Variants in TPPP observed in about 807,000 individuals in gnomAD.
TPPP encodes tubulin polymerization-promoting protein.
TPPP carries 6 observed loss-of-function variants against 15.5 expected under a neutral mutation model. That is an observed-to-expected ratio of 0.39 (90% CI 0.21 to 0.77). TPPP has a LOEUF of 0.77. Ranked by LOEUF, TPPP falls within the 30% of genes least tolerant of loss-of-function variation. The probability of loss-of-function intolerance (pLI) is 0.42; values close to 1 mark genes in which losing one functional copy is unlikely to be tolerated. For synonymous variants in TPPP, 146 were observed against 133.9 expected (o/e 1.09, Z -0.63); for missense variants, 269 against 307.2 (o/e 0.88, Z 0.93).
At position 663,621 on chromosome 5, in the gene TPPP, G is replaced by C. The variant is rs1161406717; in HGVS notation, c.*1481C>G. ...CTGTGGCCGCAGCAGGTGCACTCTT[G>C]GGAGTCGGGGAGGCGGGTGGTGCTC... On this transcript the variant is annotated 3_prime_UTR_variant, in exon 4 of 4. Coordinates refer to ENST00000360578, the MANE Select transcript of TPPP (RefSeq NM_007030.3). 1 of 142,474 alleles carries C rather than the reference G, an allele frequency of 7.0e-6. No individual in the cohort carries two copies. Among genetic ancestry groups the C allele is most frequent in the Non-Finnish European group, 1.5e-5 (1 of 67,158 alleles). The allele number at this position is 142,474 out of a possible 1,614,324, so 8.8% of individuals were successfully genotyped here.
intron 1 of TPPP, among the ~76,000 whole-genome samples, chr5:693,010 C>T (rs1374444947): frequency 2.6e-5 from 4 of 151,110 alleles, no homozygotes; most frequent in African/African-American, 9.7e-5. Flanking sequence ...CGGTGACAGA[C>T]CTGTCCCTGG....
In TPPP at chr5:677,935, T is replaced by C; in HGVS notation, c.126A>G (p.Ala42=). 1 of 1,612,356 alleles carries C rather than the reference T, an allele frequency of 6.2e-7. No homozygotes were observed. The highest frequency in any genetic ancestry group is 8.5e-7 in the Non-Finnish European group (1 of 1,179,740). ...GGGCACTGAGCTCAGGGGATGCGGC[T>C]GCCCCCTCACCAGCACCCTCCGATT... ...SLESEGAGEG[A]AASPELSALE... is the part of the protein sequence containing the mutation. The change falls in exon 2 of 4, where the codon GCA becomes GCG. Residue 42 remains alanine, a synonymous_variant. Transcript: ENST00000360578.
At chr5:692,651 C>T (rs978041148) in intron 1 of TPPP, 9 of 983,258 alleles carry the variant, frequency 9.2e-6, no homozygotes, top group Non-Finnish European at 1.1e-5. Flanking sequence ...GGAAGGTGTC[C>T]CGGCAGCGCC....
the TPPP span, among the ~76,000 whole-genome samples, chr5:700,673 T>C: frequency 6.7e-6 from 1 of 149,362 alleles, no homozygotes; most frequent in African/African-American, 2.6e-5. Flanking sequence ...TTTACCTAGG[T>C]GTGGATTTCT....
intron 1 of TPPP, among the ~76,000 whole-genome samples, chr5:682,780 C>G (rs549243713): frequency 6.6e-6 from 1 of 152,006 alleles, no homozygotes; most frequent in Non-Finnish European, 1.5e-5. Flanking sequence ...AGAGCCTACA[C>G]GACTGCTCTC....
chr5:668,468 G>C (rs1740043663), intron 2 of TPPP, among the ~76,000 whole-genome samples: 1 of 152,024 alleles, frequency 6.6e-6, no homozygotes, highest in African/African-American at 2.4e-5. Flanking sequence ...ACGGAGAGGG[G>C]GCCGCGTGGG....
intron 2 of TPPP, among the ~76,000 whole-genome samples, chr5:669,203 C>T (rs1247762994): frequency 6.6e-6 from 1 of 152,194 alleles, no homozygotes; most frequent in African/African-American, 2.4e-5. Flanking sequence ...CTGAGGGCAG[C>T]CACGCAGGGC....
Position 661,824 on chromosome 5 carries a change from G to A in TPPP, c.*3278C>T, listed in dbSNP as rs1224331284. 6.6e-6 allele frequency: 1 copy of A among 152,384 alleles called. No individual in the cohort carries two copies. The highest frequency in any genetic ancestry group is 1.5e-5 in the Non-Finnish European group (1 of 68,048). 9.4% of individuals were successfully genotyped at this position (152,384 alleles called of 1,614,324 possible). On this transcript the variant is annotated 3_prime_UTR_variant, in exon 4 of 4. Coordinates refer to ENST00000360578, the MANE Select transcript of TPPP (RefSeq NM_007030.3). ...TGACAGAGATGGGAGCCGAGTGGGT[G>A]TTTTCAAAGATTCGCTTTGGAGCTG...
In TPPP at chr5:664,950, C is replaced by T; in HGVS notation, c.*152G>A. 1 of 825,814 alleles carries T rather than the reference C, an allele frequency of 1.2e-6. No homozygotes were observed. The highest frequency in any genetic ancestry group is 1.9e-6 in the Non-Finnish European group (1 of 536,074). The allele number at this position is 825,814 out of a possible 1,614,324, so 51.2% of individuals were successfully genotyped here. A position where few individuals can be genotyped will look rare whatever the true frequency, so the allele number is the denominator to read the frequency against. On this transcript the variant is annotated 3_prime_UTR_variant, in exon 4 of 4. Transcript: ENST00000360578. ...TGGGGGCATCCGGTAGGAGGAGGGG[C>T]AGGAGGGAGGCCTGGGCCTGGCCGC...
At chr5:665,357 G>C in intron 3 of TPPP, 61 bp from the exon 4 acceptor site, 1 of 1,511,138 alleles carries the variant, frequency 6.6e-7, no homozygotes, top group East Asian at 2.4e-5. Flanking sequence ...GCCAGCAAGT[G>C]AAATGGCTGT....
intron 2 of TPPP, among the ~76,000 whole-genome samples, chr5:674,500 C>T (rs921313442): frequency 2.6e-5 from 4 of 152,006 alleles, no homozygotes; most frequent in Admixed American, 1.3e-4. Context: ...TCCGAGTGCC[C>T]GGGACACGTC....
At chr5:676,350 A>G (rs1232653958) in intron 2 of TPPP, 14 of 151,914 alleles carry the variant, frequency 9.2e-5, no homozygotes, top group Admixed American at 9.2e-4. Context: ...GCAGAGACGG[A>G]ACAGCTGCAA....
upstream of TPPP, among the ~76,000 whole-genome samples, chr5:698,009 G>C (rs866150231): frequency 4.8e-5 from 7 of 144,592 alleles, no homozygotes; most frequent in Admixed American, 7.1e-5. Context: ...ATTTATCCCA[G>C]GGACGCAAAT....
At chr5:693,393 C>A (rs900312296), upstream of TPPP, 1 of 145,272 alleles carries the variant, frequency 6.9e-6, no homozygotes, top group African/African-American at 2.5e-5. Flanking sequence ...CCCAGCACCG[C>A]CCAGCCCCGC....
At chr5:696,930 ATGTG>A (rs144059115), upstream of TPPP, among the ~76,000 whole-genome samples, 4 of 148,956 alleles carry the variant, frequency 2.7e-5, no homozygotes, top group Admixed American at 1.3e-4. Context: ...CTGTGTGTGC[ATGTG>A]TGTTTGCACC....
At chr5:683,231 C>T (rs928798490) in intron 1 of TPPP, among the ~76,000 whole-genome samples, 1 of 152,210 alleles carries the variant, frequency 6.6e-6, no homozygotes, top group Non-Finnish European at 1.5e-5. Flanking sequence ...TCCCCATCTC[C>T]CTCGCACCCG....
Position 687,109 on chromosome 5 carries a change from C to T in TPPP, c.-5+6169G>A, listed in dbSNP as rs1430596511. ...CCGGGGCTGCAGTGACGCAGCCACA[C>T]GCCCAGGACAACTGGAGCCACCAGA... On this transcript the variant is annotated intron_variant, in intron 1 of 3. Transcript: ENST00000360578. 5.4e-5 allele frequency among the ~76,000 whole-genome samples: 7 copies of T among 128,474 alleles called. 1 individual carries two copies. Among genetic ancestry groups the T allele is most frequent in the South Asian group, 2.5e-4 (1 of 4,058 alleles). 84.3% of individuals were successfully genotyped at this position (128,474 alleles called of 152,430 possible).
intron 2 of TPPP, among the ~76,000 whole-genome samples, chr5:668,771 ACAAT>A (rs1030695706): frequency 5.3e-5 from 8 of 152,206 alleles, no homozygotes; most frequent in African/African-American, 1.7e-4. Flanking sequence ...CAAACCCCAA[ACAAT>A]CCAGTGCCCT....
chr5:667,721 A>C (rs1739979567), intron 2 of TPPP, among the ~76,000 whole-genome samples: 1 of 151,394 alleles, frequency 6.6e-6, no homozygotes, highest in Admixed American at 6.6e-5. Flanking sequence ...ATCCATGTGA[A>C]AAGACGGGCA....
Sources: gnomAD v4.1 joint callset for allele counts (sites outside exome capture counted in the v4.1 genomes callset) on GRCh38, gnomAD v4.1.1 for gene constraint, MANE v1.5 for transcripts, NCBI Gene and HGNC (gene_info 2026-07-23, HGNC 2026-07-21) for gene names.